THOP1: variants seen among roughly 807,000 people sequenced by gnomAD.
THOP1 encodes the protein thimet oligopeptidase.
THOP1 carries 49 observed loss-of-function variants against 71.8 expected under a neutral mutation model. That is an observed-to-expected ratio of 0.68 (90% CI 0.54 to 0.87). The LOEUF (loss-of-function observed/expected upper bound fraction) is 0.87, where lower values mean the gene tolerates loss of function less well. THOP1 is among the 40% of genes least tolerant of loss of function. The pLI, the probability that THOP1 is intolerant of heterozygous loss-of-function variation, is 0.00. For missense variants in THOP1, 843 were observed against 975.6 expected (o/e 0.86, Z 1.81); for synonymous variants, 426 against 421.5 (o/e 1.01, Z -0.13).
At chr19:2,797,994 C>T (rs562587954) in intron 4 of THOP1, among the ~76,000 whole-genome samples, 2 of 152,284 alleles carry the variant, frequency 1.3e-5, no homozygotes, top group Admixed American at 6.5e-5. Context: ...TCAGCCGCAG[C>T]GGACAAGAGC....
rs746608112 is a variant in THOP1 at position 2,810,695 on chromosome 19, G to A, written c.1698G>A (p.Thr566=). The A allele has an allele frequency of 2.4e-5, 37 of 1,573,960 alleles. No homozygotes were observed. Among genetic ancestry groups the A allele is most frequent in the South Asian group, 1.6e-4 (14 of 86,306 alleles). The change falls in exon 11 of 13, where the codon ACG becomes ACA. Residue 566 remains threonine (T), a synonymous_variant. Transcript: ENST00000307741. ...VLAKVDQALH[T]QTDADPAEEY... Reference sequence around the variant, plus strand: ...CCAAGGTGGACCAGGCCCTGCACACGCAGACGGACGCAGACCCCGCCGAGG... The same window carrying A: ...CCAAGGTGGACCAGGCCCTGCACACACAGACGGACGCAGACCCCGCCGAGG...
intron 5 of THOP1, among the ~76,000 whole-genome samples, chr19:2,802,036 C>T (rs551537790): frequency 4.7e-4 from 72 of 151,692 alleles, no homozygotes; most frequent in Non-Finnish European, 7.5e-4. Context: ...ATACCGCTAC[C>T]TCTCAATACC....
At chr19:2,788,516 T>C (rs1915804135) in intron 1 of THOP1, among the ~76,000 whole-genome samples, 1 of 152,194 alleles carries the variant, frequency 6.6e-6, no homozygotes, top group African/African-American at 2.4e-5. Flanking sequence ...TTCACTCTTG[T>C]TGCCCAGGCT....
At position 2,805,264 on chromosome 19, in the gene THOP1, C is replaced by T. The variant is rs967654321; in HGVS notation, c.750+88C>T. 7.0e-7 allele frequency: 1 copy of T among 1,433,908 alleles called. No homozygotes were observed. Among genetic ancestry groups the T allele is most frequent in the African/African-American group, 1.4e-5 (1 of 70,072 alleles). The allele number at this position is 1,433,908 out of a possible 1,614,324, so 88.8% of individuals were successfully genotyped here. On this transcript the variant is annotated intron_variant, in intron 6 of 12. Transcript: ENST00000307741. This position sits in a 1 kb window ranked among gnomAD's most constrained non-coding sequence, Gnocchi z 6.6. The stretch of plus-strand genomic sequence containing the variant: ...TCCATGTGTGTGAGGCACCTCCAGG[C>T]TTTGCACTTGGATGGCCTCCCAATC...
chr19:2,810,472 T>G lies in THOP1; in HGVS notation c.1624T>G (p.Ser542Ala). 6.4e-7 allele frequency: 1 copy of G among 1,563,842 alleles called. No homozygotes were observed. The highest frequency in any genetic ancestry group is 8.7e-7 in the Non-Finnish European group (1 of 1,155,294). The change falls in exon 10 of 13, where the codon TCC (serine) becomes GCC (alanine). Residue 542 changes from serine to alanine, a missense_variant. Transcript: ENST00000307741. ...GGAGCTCCTGGAGAAGCTCATTGAG[T>G]CCCGGCAGGCCAACACAGGTGCACC... ...PRELLEKLIE[S>A]RQANTGLFNL... is the part of the protein sequence containing the mutation.
intron 1 of THOP1, among the ~76,000 whole-genome samples, chr19:2,786,780 T>TTTTTTTTTTTTTTTTG (rs1568317132): frequency 1.4e-5 from 2 of 147,770 alleles, no homozygotes; most frequent in East Asian, 2.0e-4. Context: ...TTTTTTTTTT[T>TTTTTTTTTTTTTTTTG]GGAGATAGAG....
chr19:2,798,388 T>C (rs1164148567), intron 4 of THOP1, among the ~76,000 whole-genome samples: 1 of 152,124 alleles, frequency 6.6e-6, no homozygotes, highest in African/African-American at 2.4e-5. Flanking sequence ...ATGTGCATGG[T>C]AGAAGCCACA....
At chr19:2,811,514 C>T (rs1303018088) in intron 11 of THOP1, 84 bp from the exon 12 acceptor site, 5 of 1,532,162 alleles carry the variant, frequency 3.3e-6, no homozygotes, top group East Asian at 2.3e-5. Flanking sequence ...GCAGGGGTCT[C>T]AGGAGTCTGG....
chr19:2,811,109 T>A (rs1211942229), intron 11 of THOP1, among the ~76,000 whole-genome samples: 1 of 152,214 alleles, frequency 6.6e-6, no homozygotes, highest in Non-Finnish European at 1.5e-5. Flanking sequence ...CCGATCCTAA[T>A]GATGAGAAGT....
intron 5 of THOP1, among the ~76,000 whole-genome samples, chr19:2,803,586 C>T (rs757101500): frequency 2.0e-5 from 3 of 152,356 alleles, no homozygotes; most frequent in South Asian, 2.1e-4. Context: ...CGTCTCCGAC[C>T]GCCAGCCGTC....
intron 4 of THOP1, among the ~76,000 whole-genome samples, chr19:2,796,488 G>A (rs1916017226): frequency 6.7e-6 from 1 of 149,800 alleles, no homozygotes; most frequent in South Asian, 2.1e-4. Context: ...GGCATGGGGA[G>A]TACTGAGCTC....
At chr19:2,796,295 A>T in intron 4 of THOP1, 107 bp downstream of exon 4, 1 of 863,056 alleles carries the variant, frequency 1.2e-6, no homozygotes, top group East Asian at 2.9e-5. Flanking sequence ...CAAGAAGCGC[A>T]GGGCAGGGGG....
Position 2,813,080 on chromosome 19 carries a change from C to T in THOP1, c.1909-35C>T, listed in dbSNP as rs748895277. 3.0e-5 allele frequency: 48 copies of T among 1,578,646 alleles called. No homozygotes were observed. The East Asian group carries it at 1.1e-3, about 35-fold the overall frequency. ...GGGTCCTCTGCCTTCCTCCCTGGGT[C>T]CCCACCCGGCCACAGTGCCCTGTCT... On this transcript the variant is annotated intron_variant, in intron 12 of 12. Transcript: ENST00000307741.
chr19:2,810,435 C>T lies in THOP1; in HGVS notation c.1587C>T (p.Ser529=), dbSNP rs769035674. The change falls in exon 10 of 13, where the codon AGC becomes AGT. Residue 529 remains serine, a synonymous_variant. Coordinates refer to ENST00000307741, the MANE Select transcript of THOP1 (RefSeq NM_003249.5). ...TGTCGCGGCACTACCGCACAGGCAG[C>T]GCCGTGCCCCGGGAGCTCCTGGAGA... ...LRMSRHYRTG[S]AVPRELLEKL... 35 of 1,595,004 alleles carry T rather than the reference C, an allele frequency of 2.2e-5. No homozygotes were observed. Among genetic ancestry groups the T allele is most frequent in the South Asian group, 3.4e-5 (3 of 88,698 alleles).
intron 2 of THOP1, among the ~76,000 whole-genome samples, chr19:2,793,031 C>T (rs889617871): frequency 2.6e-5 from 4 of 152,080 alleles, no homozygotes; most frequent in South Asian, 2.1e-4. Context: ...CAAAATTATC[C>T]GGGCGTGGTG....
intron 10 of THOP1, 54 bp downstream of exon 10, chr19:2,810,544 T>C (rs990414464): frequency 4.6e-6 from 7 of 1,528,152 alleles, no homozygotes; most frequent in Non-Finnish European, 3.5e-6. Flanking sequence ...GGCACACAGC[T>C]GGGGCCTGGC....
At chr19:2,785,924 GCGGA>G (rs1915730161) in intron 1 of THOP1, among the ~76,000 whole-genome samples, 1 of 152,234 alleles carries the variant, frequency 6.6e-6, no homozygotes, top group Non-Finnish European at 1.5e-5. Context: ...GGGCCCCGTG[GCGGA>G]CCCTGGGGAG....
At chr19:2,799,230 G>A (rs774250884) in intron 4 of THOP1, among the ~76,000 whole-genome samples, 1 of 152,170 alleles carries the variant, frequency 6.6e-6, no homozygotes, top group Non-Finnish European at 1.5e-5. Context: ...GGAGGCTAAG[G>A]CAGGAGGATC....
chr19:2,787,725 C>T (rs1915781447), intron 1 of THOP1, among the ~76,000 whole-genome samples: 1 of 152,194 alleles, frequency 6.6e-6, no homozygotes, highest in Non-Finnish European at 1.5e-5. Context: ...GATTGTGCTA[C>T]CTCTGGGGAC....
Sources: allele counts gnomAD v4.1 joint callset (sites outside exome capture counted in the v4.1 genomes callset), GRCh38; gene constraint gnomAD v4.1.1; non-coding constraint Gnocchi (gnomAD v3.1); transcripts MANE v1.5; gene names NCBI Gene and HGNC (gene_info 2026-07-23, HGNC 2026-07-21).